Variants in EML6 observed in about 807,000 individuals in gnomAD.
EML6 encodes the protein EMAP like 6.
In EML6, 154 loss-of-function variants were observed where a neutral mutation model predicts 240.1. That is an observed-to-expected ratio of 0.64 (90% CI 0.56 to 0.73). The LOEUF (loss-of-function observed/expected upper bound fraction) is 0.73, where lower values mean the gene tolerates loss of function less well. Among genes scored for constraint, EML6 ranks in the 30% least tolerant of loss-of-function variants. The pLI is 0.00. For missense variants in EML6, 2,964 were observed against 2,474.6 expected (o/e 1.20, Z -4.20); for synonymous variants, 1,148 against 899.0 (o/e 1.28, Z -4.95).
At chr2:54,733,370 A>G (rs1683253744) in intron 2 of EML6, among the ~76,000 whole-genome samples, 1 of 152,220 alleles carries the variant, frequency 6.6e-6, no homozygotes, top group African/African-American at 2.4e-5. Context: ...AAATGACAAG[A>G]TGTCTTCTAA....
intron 33 of EML6, 124 bp from the exon 34 acceptor site, chr2:54,958,980 A>G: frequency 3.4e-6 from 3 of 889,768 alleles, no homozygotes; most frequent in African/African-American, 3.3e-5. Context: ...TCCTTAGCAC[A>G]AAGAGATCAA....
intron 26 of EML6, among the ~76,000 whole-genome samples, chr2:54,927,668 G>C (rs751294094): frequency 6.6e-6 from 1 of 152,188 alleles, no homozygotes; most frequent in Non-Finnish European, 1.5e-5. Context: ...GGGGATAAAG[G>C]TGGGGTGGCC....
chr2:54,916,784 G>A lies in EML6; in HGVS notation c.3524G>A (p.Trp1175Ter). 2 of 1,531,870 alleles carry A rather than the reference G, an allele frequency of 1.3e-6. No individual in the cohort carries two copies. The highest frequency in any genetic ancestry group is 8.8e-7 in the Non-Finnish European group (1 of 1,132,022). 94.9% of individuals were successfully genotyped at this position (1,531,870 alleles called of 1,614,324 possible). A position where few individuals can be genotyped will look rare whatever the true frequency, so the allele number is the denominator to read the frequency against. Residue 1175 changes from tryptophan to a stop codon, truncating the protein, a stop_gained, in exon 26 of 42, where the codon TGG becomes TAG. Coordinates refer to ENST00000356458, the MANE Select transcript of EML6 (RefSeq NM_001039753.4). LOFTEE classifies it high-confidence loss of function. ...ATCGAGAAGATAGAGTGGGACACATGGACCTGTGTCCTGGGGCCCACCTGT... is the reference window on the plus strand; with the variant it reads ...ATCGAGAAGATAGAGTGGGACACATAGACCTGTGTCCTGGGGCCCACCTGT... ...SEIEKIEWDT[W>*]TCVLGPTCEG...
At chr2:54,957,051 G>A (rs6725187) in intron 32 of EML6, among the ~76,000 whole-genome samples, 17,255 of 152,062 alleles carry the variant, frequency 0.11, 1,375 homozygotes, top group African/African-American at 0.22. Flanking sequence ...ACTGTGCTCA[G>A]GGCTTCACTT....
At chr2:54,937,751 T>G (rs774807338) in intron 28 of EML6, among the ~76,000 whole-genome samples, 8 of 152,140 alleles carry the variant, frequency 5.3e-5, no homozygotes, top group Non-Finnish European at 1.0e-4. Context: ...GTAGATGACA[T>G]GTACACAGCC....
intron 17 of EML6, among the ~76,000 whole-genome samples, chr2:54,883,754 G>T (rs528716224): frequency 1.3e-5 from 2 of 152,232 alleles, no homozygotes; most frequent in Admixed American, 6.5e-5. Flanking sequence ...ACCTACACTT[G>T]CAGGCAACTT....
chr2:54,954,805 G>A (rs1223281235), intron 32 of EML6, among the ~76,000 whole-genome samples: 2 of 152,174 alleles, frequency 1.3e-5, no homozygotes, highest in African/African-American at 2.4e-5. Flanking sequence ...ATATTCTCAG[G>A]TTGGGTACTG....
At chr2:54,845,303 T>C (rs78870649) in intron 8 of EML6, among the ~76,000 whole-genome samples, 1 of 152,224 alleles carries the variant, frequency 6.6e-6, no homozygotes. Flanking sequence ...TCTCCTTTTT[T>C]GTTTTTGTCT....
chr2:54,928,789 T>A, intron 28 of EML6, 38 bp downstream of exon 28: 1 of 1,550,912 alleles, frequency 6.4e-7, no homozygotes, highest in Non-Finnish European at 8.7e-7. Flanking sequence ...TTATTATACC[T>A]GATGACAAGA....
chr2:54,813,072 C>T (rs1430155806), intron 2 of EML6, among the ~76,000 whole-genome samples, 160 bp from the exon 3 acceptor site: 1 of 152,154 alleles, frequency 6.6e-6, no homozygotes, highest in Non-Finnish European at 1.5e-5. Context: ...GTGAACATTT[C>T]AATTAGTCAA....
Position 54,844,161 on chromosome 2 carries a change from A to G in EML6, c.962A>G (p.Gln321Arg). Reference sequence around the variant, plus strand: ...CGAGACAAGCCGATGTTGATCCTACAGGGCCACTGCGAGGGTGAGCTCTGG... The same window carrying G: ...CGAGACAAGCCGATGTTGATCCTACGGGGCCACTGCGAGGGTGAGCTCTGG... ...RERDKPMLIL[Q>R]GHCEGELWAL... The change falls in exon 8 of 42, where the codon CAG (glutamine) becomes CGG (arginine). Residue 321 changes from glutamine (Q) to arginine (R), a missense_variant. By Grantham distance (43) the Gln-to-Arg change is conservative. Coordinates refer to ENST00000356458, the MANE Select transcript of EML6 (RefSeq NM_001039753.4). 2 of 1,551,736 alleles carry G rather than the reference A, an allele frequency of 1.3e-6. No homozygotes were observed. Among genetic ancestry groups the G allele is most frequent in the South Asian group, 2.4e-5 (2 of 84,054 alleles).
intron 26 of EML6, among the ~76,000 whole-genome samples, chr2:54,918,858 T>C (rs1674071501): frequency 6.6e-6 from 1 of 152,232 alleles, no homozygotes. Context: ...TGAGGTTAGT[T>C]CACAGTGTAC....
Position 54,948,979 on chromosome 2 carries a change from TGTA to T in EML6, c.4083+22_4083+24del. The T allele has an allele frequency of 1.0e-5, 15 of 1,505,546 alleles. No homozygotes were observed. Among genetic ancestry groups the T allele is most frequent in the Non-Finnish European group, 1.2e-5 (13 of 1,104,984 alleles). 93.3% of individuals were successfully genotyped at this position (1,505,546 alleles called of 1,614,324 possible). On this transcript the variant is annotated intron_variant, in intron 29 of 41. Transcript: ENST00000356458. ...GGTTGAGGTGAGTTAAACAATCACTTGTAGTCTGATATTGACGTTCTAAGACAT... is the reference window on the plus strand; with the variant it reads ...GGTTGAGGTGAGTTAAACAATCACTTGTCTGATATTGACGTTCTAAGACAT...
intron 2 of EML6, among the ~76,000 whole-genome samples, chr2:54,788,400 G>T (rs1158402375): frequency 6.6e-6 from 1 of 152,182 alleles, no homozygotes; most frequent in African/African-American, 2.4e-5. Context: ...TACAAGGGTG[G>T]CTGCCACTAT....
intron 7 of EML6, among the ~76,000 whole-genome samples, chr2:54,843,736 G>A (rs1009972606): frequency 3.3e-5 from 5 of 151,626 alleles, no homozygotes; most frequent in African/African-American, 1.2e-4. Flanking sequence ...CCAGCTACTT[G>A]GGAGGCTGAG....
At chr2:54,755,222 A>G (rs895897601) in intron 2 of EML6, among the ~76,000 whole-genome samples, 3 of 152,174 alleles carry the variant, frequency 2.0e-5, no homozygotes, top group African/African-American at 7.2e-5. Context: ...TTCCATTCTG[A>G]TCCATTAGTC....
At chr2:54,740,493 A>G (rs925947555) in intron 2 of EML6, among the ~76,000 whole-genome samples, 1 of 152,152 alleles carries the variant, frequency 6.6e-6, no homozygotes, top group African/African-American at 2.4e-5. Context: ...CTACATAAAC[A>G]CTGGGAATGA....
chr2:54,877,047 A>C (rs1671543965), intron 16 of EML6, among the ~76,000 whole-genome samples: 1 of 151,520 alleles, frequency 6.6e-6, no homozygotes, highest in Non-Finnish European at 1.5e-5. Context: ...CAGTGGCATG[A>C]TCATGGCTCA....
intron 28 of EML6, among the ~76,000 whole-genome samples, chr2:54,942,523 T>C (rs953115125): frequency 6.6e-6 from 1 of 152,070 alleles, no homozygotes; most frequent in Admixed American, 6.6e-5. Flanking sequence ...CGAGGAGGCA[T>C]TTGCAGGAGT....
Sources: allele counts gnomAD v4.1 joint callset (sites outside exome capture counted in the v4.1 genomes callset), GRCh38; gene constraint gnomAD v4.1.1; transcripts MANE v1.5; gene names NCBI Gene and HGNC (gene_info 2026-07-23, HGNC 2026-07-21).